Variants in THRB observed in about 807,000 individuals in gnomAD.
The protein encoded by THRB is nuclear receptor subfamily 1 group A member 2.
THRB carries 12 observed loss-of-function variants against 47.8 expected under a neutral mutation model. That is an observed-to-expected ratio of 0.25 (90% CI 0.16 to 0.41). The LOEUF (loss-of-function observed/expected upper bound fraction) is 0.41. THRB is among the 10% of genes least tolerant of loss of function. The pLI is 1.00. For missense variants in THRB, 348 were observed against 589.2 expected (o/e 0.59, Z 4.24); for synonymous variants, 218 against 212.2 (o/e 1.03, Z -0.24).
intron 5 of THRB, among the ~76,000 whole-genome samples, chr3:24,167,766 T>G (rs1169595645): frequency 6.6e-6 from 1 of 152,168 alleles, no homozygotes; most frequent in Non-Finnish European, 1.5e-5. Context: ...AATTTCTTGC[T>G]TTTCATCAGT....
chr3:24,234,012 T>G (rs922863283), intron 3 of THRB, among the ~76,000 whole-genome samples: 1 of 152,208 alleles, frequency 6.6e-6, no homozygotes, highest in African/African-American at 2.4e-5. Flanking sequence ...GACCTGGGTC[T>G]TTAAGCTGCA....
intron 2 of THRB, among the ~76,000 whole-genome samples, chr3:24,316,366 C>A (rs2058112486): frequency 2.6e-5 from 4 of 151,804 alleles, no homozygotes; most frequent in African/African-American, 7.3e-5. Flanking sequence ...CTCTTTCCAT[C>A]CTTTCCTTCC....
At chr3:24,132,720 A>C (rs566208673) in intron 9 of THRB, among the ~76,000 whole-genome samples, 1 of 152,356 alleles carries the variant, frequency 6.6e-6, no homozygotes, top group African/African-American at 2.4e-5. Flanking sequence ...TGGGACAAGC[A>C]AGAGTGAGCT....
intron 2 of THRB, among the ~76,000 whole-genome samples, chr3:24,332,885 T>A (rs1458934432): frequency 6.6e-6 from 1 of 151,952 alleles, no homozygotes; most frequent in Admixed American, 6.6e-5. Context: ...TGAAACCCCA[T>A]CTCTACTAAA....
chr3:24,129,519 A>G (rs1290085362), intron 9 of THRB, among the ~76,000 whole-genome samples: 1 of 152,256 alleles, frequency 6.6e-6, no homozygotes, highest in Non-Finnish European at 1.5e-5. Flanking sequence ...CAACTGTTGA[A>G]GATTAGTTCA....
chr3:24,324,010 T>A (rs2058652906), intron 2 of THRB, among the ~76,000 whole-genome samples: 1 of 152,178 alleles, frequency 6.6e-6, no homozygotes, highest in Non-Finnish European at 1.5e-5. Context: ...TCCACCTTGG[T>A]CTGAACACCC....
chr3:24,468,157 C>A (rs1205242772), intron 1 of THRB, among the ~76,000 whole-genome samples: 1 of 152,184 alleles, frequency 6.6e-6, no homozygotes, highest in Non-Finnish European at 1.5e-5. Flanking sequence ...TTTTCTTCTG[C>A]AGCTTTCTTA....
chr3:24,483,972 T>C (rs1696870412), intron 1 of THRB: 1 of 152,180 alleles, frequency 6.6e-6, no homozygotes, highest in Non-Finnish European at 1.5e-5. Context: ...GCCAAGGTGG[T>C]TAAGAAGCCA....
rs114233654 is a variant in THRB at position 24,484,660 on chromosome 3, C to T, written c.-261+9992G>A. Among the ~76,000 whole-genome samples, 631 of 152,176 alleles carry T rather than the reference C, an allele frequency of 4.1e-3. 5 individuals are homozygous for T. Among genetic ancestry groups the T allele is most frequent in the African/African-American group, 0.015 (611 of 41,522 alleles). On this transcript the variant is annotated intron_variant, in intron 1 of 10. Transcript: ENST00000646209. ...TATAGCTCATCGCCTGTTTTGTAAACAAAATTTTATTGGCACACAGCCACA... is the reference window on the plus strand; with the variant it reads ...TATAGCTCATCGCCTGTTTTGTAAATAAAATTTTATTGGCACACAGCCACA...
intron 1 of THRB, among the ~76,000 whole-genome samples, chr3:24,444,881 G>A (rs1373509786): frequency 1.3e-5 from 2 of 152,150 alleles, no homozygotes; most frequent in African/African-American, 4.8e-5. Flanking sequence ...ACCGTGCCCG[G>A]TCCAAGATTT....
At chr3:24,143,775 TG>T in intron 7 of THRB, 69 bp from the exon 8 acceptor site, 2 of 1,547,988 alleles carry the variant, frequency 1.3e-6, no homozygotes, top group Non-Finnish European at 1.8e-6. Flanking sequence ...CTGCACTTCC[TG>T]GAGCCTCAGG....
chr3:24,135,104 G>A (rs79422444), intron 8 of THRB, among the ~76,000 whole-genome samples: 1,727 of 152,288 alleles, frequency 0.011, 10 homozygotes, highest in Non-Finnish European at 0.019. Context: ...TGATGAAGCT[G>A]CTCTGGGCCC....
intron 1 of THRB, among the ~76,000 whole-genome samples, chr3:24,404,918 A>G (rs1299584242): frequency 6.6e-6 from 1 of 151,914 alleles, no homozygotes; most frequent in East Asian, 2.0e-4. Flanking sequence ...AAAGCCTACC[A>G]GCAGCATATG....
chr3:24,270,958 TC>T (rs1337030127), intron 3 of THRB, among the ~76,000 whole-genome samples: 2 of 152,018 alleles, frequency 1.3e-5, no homozygotes, highest in Admixed American at 6.6e-5. Context: ...TGTGAAAGGC[TC>T]CCCCCCTTTC....
intron 3 of THRB, among the ~76,000 whole-genome samples, chr3:24,236,459 G>T (rs2048886432): frequency 7.0e-6 from 1 of 143,750 alleles, no homozygotes; most frequent in South Asian, 2.1e-4. Context: ...ATTATTATAG[G>T]CATCATCATT....
At chr3:24,456,121 G>C (rs2073148518) in intron 1 of THRB, among the ~76,000 whole-genome samples, 1 of 152,082 alleles carries the variant, frequency 6.6e-6, no homozygotes, top group Non-Finnish European at 1.5e-5. Context: ...TTGAGGTCAA[G>C]AGTTTGAGAC....
At chr3:24,244,042 A>C (rs762452800) in intron 3 of THRB, among the ~76,000 whole-genome samples, 5 of 152,148 alleles carry the variant, frequency 3.3e-5, no homozygotes, top group Non-Finnish European at 5.9e-5. Context: ...CTATAGAGAC[A>C]GGAAGTGGAC....
intron 4 of THRB, among the ~76,000 whole-genome samples, chr3:24,208,381 G>C (rs1276762586): frequency 3.3e-5 from 5 of 152,104 alleles, no homozygotes; most frequent in African/African-American, 1.2e-4. Context: ...AAAAGAGCCC[G>C]CATTGCCAAG....
At chr3:24,434,245 C>T (rs2070720874) in intron 1 of THRB, among the ~76,000 whole-genome samples, 2 of 152,058 alleles carry the variant, frequency 1.3e-5, no homozygotes, top group Non-Finnish European at 1.5e-5. Context: ...GCAAAAAATC[C>T]TCGCTTTAAG....
Sources: allele counts gnomAD v4.1 joint callset (sites outside exome capture counted in the v4.1 genomes callset), GRCh38; gene constraint gnomAD v4.1.1; transcripts MANE v1.5; gene names NCBI Gene and HGNC (gene_info 2026-07-23, HGNC 2026-07-21).